Variants in ESPN observed in about 807,000 individuals in gnomAD.
ESPN encodes the protein espin, also known as autosomal recessive deafness type 36 protein.
Under a neutral mutation model 77.7 loss-of-function variants are expected in ESPN, and 68 were observed. That is an observed-to-expected ratio of 0.87 (90% CI 0.72 to 1.07). The LOEUF (loss-of-function observed/expected upper bound fraction) is 1.07, where lower values mean the gene tolerates loss of function less well. Among genes scored for constraint, ESPN ranks in the 50% least tolerant of loss-of-function variants. The pLI, the probability that ESPN is intolerant of heterozygous loss-of-function variation, is 0.00. For missense variants in ESPN, 1,060 were observed against 1,239.0 expected (o/e 0.86, Z 2.17); for synonymous variants, 449 against 567.1 (o/e 0.79, Z 2.96).
intron 12 of ESPN, among the ~76,000 whole-genome samples, 186 bp downstream of exon 12, chr1:6,457,558 C>G (rs958983190): frequency 6.6e-5 from 10 of 152,228 alleles, no homozygotes; most frequent in Non-Finnish European, 1.5e-4. Flanking sequence ...CCCGGTTACT[C>G]AGTCCCTGCC....
chr1:6,449,644 T>G (rs1643911607), intron 8 of ESPN, among the ~76,000 whole-genome samples: 1 of 152,234 alleles, frequency 6.6e-6, no homozygotes, highest in South Asian at 2.1e-4. Flanking sequence ...CTAGCCAGTT[T>G]CTGCCAGGGG....
intron 5 of ESPN, among the ~76,000 whole-genome samples, chr1:6,443,949 G>C (rs1314894950): frequency 2.6e-5 from 4 of 152,234 alleles, no homozygotes; most frequent in African/African-American, 9.6e-5. Flanking sequence ...TGGCAGGCCT[G>C]GCAGCCTGAG....
In ESPN at chr1:6,460,174, G is replaced by A; in HGVS notation, c.*28G>A. 7 of 1,602,794 alleles carry A rather than the reference G, an allele frequency of 4.4e-6. No individual in the cohort carries two copies. Among genetic ancestry groups the A allele is most frequent in the Non-Finnish European group, 6.0e-6 (7 of 1,173,374 alleles). On this transcript the variant is annotated 3_prime_UTR_variant, in exon 13 of 13. Coordinates refer to ENST00000645284, the MANE Select transcript of ESPN (RefSeq NM_031475.3). ...GCCGCAGACTCCTGTCCGCAGCCTCGCAGCTCCGTGGGGCCCTCCGCCCCA... is the reference window on the plus strand; with the variant it reads ...GCCGCAGACTCCTGTCCGCAGCCTCACAGCTCCGTGGGGCCCTCCGCCCCA...
chr1:6,443,510 G>A (rs1449728210), intron 5 of ESPN, among the ~76,000 whole-genome samples: 1 of 152,242 alleles, frequency 6.6e-6, no homozygotes, highest in Admixed American at 6.5e-5. Context: ...CACCTCCTAT[G>A]GCTCCCCTGA....
intron 12 of ESPN, 34 bp from the exon 13 acceptor site, chr1:6,459,965 T>C: frequency 6.2e-7 from 1 of 1,612,560 alleles, no homozygotes; most frequent in Non-Finnish European, 8.5e-7. Flanking sequence ...GGCCCCAGAC[T>C]TCACCGGGTC....
At position 6,428,475 on chromosome 1, in the gene ESPN, G is replaced by A. The variant is rs971782691; in HGVS notation, c.488+56G>A. The A allele has an allele frequency of 3.3e-5, 48 of 1,473,366 alleles. No individual in the cohort carries two copies. Among genetic ancestry groups the A allele is most frequent in the Non-Finnish European group, 4.1e-5 (44 of 1,079,832 alleles). The allele number at this position is 1,473,366 out of a possible 1,614,324, so 91.3% of individuals were successfully genotyped here. The stretch of plus-strand genomic sequence containing the variant: ...GGTGGGCTGGGCCAGGGCTTTGGGG[G>A]ATGCCTGGGATTTTCCACGCCTCTC... On this transcript the variant is annotated intron_variant, in intron 2 of 12. Coordinates refer to ENST00000645284, the MANE Select transcript of ESPN (RefSeq NM_031475.3). The surrounding 1 kb of genome is among the most constrained non-coding windows in gnomAD (Gnocchi z 5.4).
intron 6 of ESPN, among the ~76,000 whole-genome samples, chr1:6,445,247 C>G (rs1473692616): frequency 2.6e-5 from 4 of 152,246 alleles, no homozygotes; most frequent in African/African-American, 9.6e-5. Flanking sequence ...GTACACACAC[C>G]CTGACCGTGC....
Position 6,428,312 on chromosome 1 carries a change from C to T in ESPN, c.381C>T (p.Gly127=), listed in dbSNP as rs552379031. The change falls in exon 2 of 13, where the codon GGC becomes GGT. Residue 127 remains glycine, a synonymous_variant. Coordinates refer to ENST00000645284, the MANE Select transcript of ESPN (RefSeq NM_031475.3). The surrounding 1 kb of genome is among the most constrained non-coding windows in gnomAD (Gnocchi z 5.4). ...TGGTGAACTGGCTCTTGCATCATGG[C>T]GGTGGGGACCCCACCGCGGCCACAG... ...PEVVNWLLHH[G]GGDPTAATDM... 1.6e-5 allele frequency: 26 copies of T among 1,613,104 alleles called. No homozygotes were observed. The highest frequency in any genetic ancestry group is 3.3e-5 in the Admixed American group (2 of 60,024).
rs774291154 is a variant in ESPN at position 6,440,720 on chromosome 1, G to T, written c.770G>T (p.Ser257Ile). Residue 257 changes from serine (S) to isoleucine (I), a missense_variant, in exon 4 of 13, where the codon AGC (serine) becomes ATC (isoleucine). Around this residue, in one of 3 missense-constraint regions of ESPN, gnomAD observed 556 missense variants for 633.6 expected, o/e 0.88. Coordinates refer to ENST00000645284, the MANE Select transcript of ESPN (RefSeq NM_031475.3). ...AGCCGCGGCCACACCAAGGTGCTCAGCTGGCTGCTGCTGCACGGCGGGGAG... is the reference window on the plus strand; with the variant it reads ...AGCCGCGGCCACACCAAGGTGCTCATCTGGCTGCTGCTGCACGGCGGGGAG... ...AASRGHTKVL[S>I]WLLLHGGEIS... 11 of 1,545,888 alleles carry T rather than the reference G, an allele frequency of 7.1e-6. No homozygotes were observed. The highest frequency in any genetic ancestry group is 2.3e-4 in the Middle Eastern group (1 of 4,386).
rs1250813628 is a variant in ESPN, at chr1:6,450,965, C to CCGTA, written c.1916-637_1916-634dup. Among the ~76,000 whole-genome samples the CCGTA allele has an allele frequency of 6.6e-6, 1 of 152,224 alleles. No individual in the cohort carries two copies. Among genetic ancestry groups the CCGTA allele is most frequent in the East Asian group, 1.9e-4 (1 of 5,196 alleles). ...GCCTGCCCTTCCTCCTGGGTGCCTC[C>CCGTA]CGTAGCCTTAGTAAGGGCTCTGCTT... On this transcript the variant is annotated intron_variant, in intron 8 of 12. Coordinates refer to ENST00000645284, the MANE Select transcript of ESPN (RefSeq NM_031475.3). This position sits in a 1 kb window ranked among gnomAD's most constrained non-coding sequence, Gnocchi z 4.3.
In ESPN at chr1:6,460,001, A is replaced by G. The variant is rs770812766; in HGVS notation, c.2420A>G (p.Lys807Arg). The change falls in exon 13 of 13, where the codon AAA (lysine) becomes AGA (arginine). Residue 807 changes from lysine (K) to arginine (R), a missense_variant and splice_region_variant. Transcript: ENST00000645284. ...TGCCCCCCTCCCCACTGCCTCAGGAAAGAGGAGGAGCGACAGAAGCAGGAG... is the reference window on the plus strand; with the variant it reads ...TGCCCCCCTCCCCACTGCCTCAGGAGAGAGGAGGAGCGACAGAAGCAGGAG... Reference protein sequence around the residue: ...KLEEEREQKRKEEERQKQEEL... With the variant: ...KLEEEREQKRREEERQKQEEL... The G allele has an allele frequency of 6.2e-7, 1 of 1,613,506 alleles. No homozygotes were observed. The highest frequency in any genetic ancestry group is 8.5e-7 in the Non-Finnish European group (1 of 1,179,974).
intron 1 of ESPN, 125 bp downstream of exon 1, chr1:6,425,374 C>T (rs1642998890): frequency 4.9e-6 from 6 of 1,231,144 alleles, no homozygotes; most frequent in African/African-American, 4.5e-5. Flanking sequence ...GAACCCTGCA[C>T]GGAGCTCCTT....
intron 5 of ESPN, among the ~76,000 whole-genome samples, chr1:6,441,327 G>A (rs574446446): frequency 6.0e-4 from 92 of 152,302 alleles, no homozygotes; most frequent in Admixed American, 1.6e-3. Context: ...GGACCCACTG[G>A]GAATAGGCAG....
At chr1:6,461,152 T>TTTTG, downstream of ESPN, 1 of 598,528 alleles carries the variant, frequency 1.7e-6, no homozygotes, top group South Asian at 1.5e-5. This position sits in a 1 kb window ranked among gnomAD's most constrained non-coding sequence, Gnocchi z 6.3. Flanking sequence ...AAGAAGCCGT[T>TTTTG]TTTGTTTTGT....
At position 6,424,811 on chromosome 1, in the gene ESPN, G is replaced by A; in HGVS notation, c.-145G>A. 3.7e-6 allele frequency: 3 copies of A among 818,768 alleles called. No individual in the cohort carries two copies. Among genetic ancestry groups the A allele is most frequent in the Non-Finnish European group, 4.9e-6 (3 of 613,486 alleles). 50.7% of individuals were successfully genotyped at this position (818,768 alleles called of 1,614,324 possible). On this transcript the variant is annotated 5_prime_UTR_variant, in exon 1 of 13. Transcript: ENST00000645284. ...GGAGCGGAGCGCCAGGCAGCGCGGAGCGGAGGCCAGGCCCACAGCCGCTCC... is the reference window on the plus strand; with the variant it reads ...GGAGCGGAGCGCCAGGCAGCGCGGAACGGAGGCCAGGCCCACAGCCGCTCC...
rs1643877586 is a variant in ESPN, at chr1:6,447,856, G to A, written c.1465-785G>A. Reference sequence around the variant, plus strand: ...TCCCAGCTTAGGGAGAGGCGCAGGGGGCGGGGTCACATCTGGCCGGGGACG... The same window carrying A: ...TCCCAGCTTAGGGAGAGGCGCAGGGAGCGGGGTCACATCTGGCCGGGGACG... On this transcript the variant is annotated intron_variant, in intron 7 of 12. Transcript: ENST00000645284. The surrounding 1 kb of genome is among the most constrained non-coding windows in gnomAD (Gnocchi z 5.2). Among the ~76,000 whole-genome samples, 1 of 152,224 alleles carries A rather than the reference G, an allele frequency of 6.6e-6. No individual in the cohort carries two copies. Among genetic ancestry groups the A allele is most frequent in the Non-Finnish European group, 1.5e-5 (1 of 68,034 alleles).
chr1:6,434,048 A>G (rs868360726), intron 2 of ESPN, among the ~76,000 whole-genome samples: 1 of 152,172 alleles, frequency 6.6e-6, no homozygotes, highest in Non-Finnish European at 1.5e-5. Flanking sequence ...TTATAGGTGC[A>G]TATGGCACCA....
chr1:6,457,332 C>G (rs1242555517), intron 11 of ESPN, 29 bp from the exon 12 acceptor site: 1 of 1,614,222 alleles, frequency 6.2e-7, no homozygotes. Flanking sequence ...GTGGAGGTAC[C>G]AAGTGACACT....
chr1:6,454,097 C>T (rs1209794282), intron 10 of ESPN, among the ~76,000 whole-genome samples: 1 of 152,208 alleles, frequency 6.6e-6, no homozygotes, highest in Non-Finnish European at 1.5e-5. Flanking sequence ...AGCTTCAACG[C>T]CTTTCGCAAG....
Sources: gnomAD v4.1 joint callset for allele counts (sites outside exome capture counted in the v4.1 genomes callset) on GRCh38, gnomAD v4.1.1 for gene constraint, gnomAD v4.1.1 regional missense constraint, Gnocchi (gnomAD v3.1) non-coding constraint, MANE v1.5 for transcripts, NCBI Gene and HGNC (gene_info 2026-07-23, HGNC 2026-07-21) for gene names.